Variants in AFF3 observed in about 807,000 individuals in gnomAD.
AFF3 encodes ALF transcription elongation factor 3.
A neutral mutation model predicts 129.7 loss-of-function variants in AFF3; 32 were observed. The observed-to-expected ratio is 0.25, with a 90% CI of 0.19 to 0.33. The LOEUF is 0.33. Among genes scored for constraint, AFF3 ranks in the 10% least tolerant of loss-of-function variants. AFF3 has a pLI of 1.00. For synonymous variants in AFF3, 644 were observed against 635.4 expected (o/e 1.01, Z -0.20); for missense variants, 1,373 against 1,592.0 (o/e 0.86, Z 2.34).
intron 10 of AFF3, among the ~76,000 whole-genome samples, chr2:99,736,063 T>C (rs1294503790): frequency 6.6e-6 from 1 of 152,220 alleles, no homozygotes; most frequent in African/African-American, 2.4e-5. Flanking sequence ...CCAGTAGTTG[T>C]CAATTTTCAT....
intron 11 of AFF3, among the ~76,000 whole-genome samples, chr2:99,679,263 T>C (rs554715839): frequency 1.9e-4 from 29 of 152,256 alleles, no homozygotes; most frequent in African/African-American, 1.9e-4. Context: ...CGGGGAGGGA[T>C]TGTCAGTGAA....
chr2:99,984,297 A>G (rs968302732), intron 7 of AFF3, among the ~76,000 whole-genome samples: 2 of 152,234 alleles, frequency 1.3e-5, no homozygotes, highest in Non-Finnish European at 2.9e-5. Flanking sequence ...CTCTACAGGA[A>G]AGGAATCTAT....
chr2:100,011,710 G>T, intron 4 of AFF3: 1 of 667,162 alleles, frequency 1.5e-6, no homozygotes, highest in Non-Finnish European at 2.7e-6. Context: ...GGGTCAGAAC[G>T]GGAGGCAAGC....
At chr2:99,679,822 A>T (rs984086999) in intron 11 of AFF3, among the ~76,000 whole-genome samples, 1 of 152,228 alleles carries the variant, frequency 6.6e-6, no homozygotes, top group Non-Finnish European at 1.5e-5. Context: ...TGGATAAAAC[A>T]ACCACTATAT....
At chr2:100,064,994 T>C (rs1036255116) in intron 4 of AFF3, among the ~76,000 whole-genome samples, 5 of 152,254 alleles carry the variant, frequency 3.3e-5, no homozygotes, top group Admixed American at 3.3e-4. Flanking sequence ...ACTATGCATT[T>C]ACCATAAAGC....
chr2:99,805,152 T>C (rs1355751661), intron 8 of AFF3, among the ~76,000 whole-genome samples: 1 of 152,168 alleles, frequency 6.6e-6, no homozygotes, highest in Non-Finnish European at 1.5e-5. Flanking sequence ...TGATGACTAG[T>C]ACAAAAGTCA....
In AFF3 at chr2:99,977,914, A is replaced by G. The variant is rs189986372; in HGVS notation, c.873+28718T>C. 1.9e-3 allele frequency among the ~76,000 whole-genome samples: 293 copies of G among 152,350 alleles called. 2 individuals are homozygous for G. The highest frequency in any genetic ancestry group is 3.3e-3 in the Non-Finnish European group (224 of 68,034). ...GCCCAGCTCCTGCTGGAGCTCCTCC[A>G]GAAAGAACTCCATACTCACAATCAG... On this transcript the variant is annotated intron_variant, in intron 7 of 24. Transcript: ENST00000672756.
intron 8 of AFF3, among the ~76,000 whole-genome samples, chr2:99,822,203 G>A (rs1175971099): frequency 2.0e-5 from 3 of 152,044 alleles, no homozygotes. Context: ...CTCAAAGAAA[G>A]GCAGTCATCA....
chr2:99,795,535 C>A (rs1685499712), intron 8 of AFF3, among the ~76,000 whole-genome samples: 1 of 152,096 alleles, frequency 6.6e-6, no homozygotes, highest in Admixed American at 6.6e-5. Flanking sequence ...CACTTGTAGT[C>A]CTTAAATTTA....
intron 4 of AFF3, among the ~76,000 whole-genome samples, chr2:100,028,613 T>TGTTAACA (rs1205977587): frequency 1.3e-5 from 2 of 152,176 alleles, no homozygotes; most frequent in African/African-American, 2.4e-5. Context: ...ACCACTAAGA[T>TGTTAACA]GTTAACAGTG....
intron 8 of AFF3, among the ~76,000 whole-genome samples, chr2:99,789,139 A>G (rs557070517): frequency 4.6e-5 from 7 of 152,190 alleles, no homozygotes; most frequent in Non-Finnish European, 7.3e-5. Context: ...GGCATTCATA[A>G]TTTTAATAAG....
intron 11 of AFF3, among the ~76,000 whole-genome samples, chr2:99,696,852 C>T (rs893576870): frequency 5.3e-5 from 8 of 152,078 alleles, no homozygotes; most frequent in Admixed American, 5.2e-4. Flanking sequence ...TGCTATGTTG[C>T]CCAGCTTGGT....
Position 99,760,675 on chromosome 2 carries a change from A to C in AFF3, c.922-8374T>G, listed in dbSNP as rs139919804. Reference sequence around the variant, plus strand: ...ATTGCTGCTTTGCCTCTATTGACCTACTTTGGCCATCCTTTAACCACTTCC... The same window carrying C: ...ATTGCTGCTTTGCCTCTATTGACCTCCTTTGGCCATCCTTTAACCACTTCC... On this transcript the variant is annotated intron_variant, in intron 8 of 24. Transcript: ENST00000672756. Among the ~76,000 whole-genome samples, 663 of 152,164 alleles carry C rather than the reference A, an allele frequency of 4.4e-3. 3 individuals are homozygous for C. The highest frequency in any genetic ancestry group is 0.015 in the African/African-American group (630 of 41,504).
intron 24 of AFF3, among the ~76,000 whole-genome samples, chr2:99,553,575 C>T (rs1224213678): frequency 6.6e-6 from 1 of 152,104 alleles, no homozygotes; most frequent in Non-Finnish European, 1.5e-5. Flanking sequence ...GAATCTGTAT[C>T]TGTTGACCCC....
intron 11 of AFF3, among the ~76,000 whole-genome samples, chr2:99,719,678 C>T (rs1467382711): frequency 5.9e-5 from 9 of 152,170 alleles, no homozygotes; most frequent in East Asian, 1.9e-4. Context: ...AATATGGTCA[C>T]GAATCAGCTT....
chr2:99,841,101 CTTAAAA>C (rs1689287459), intron 7 of AFF3, among the ~76,000 whole-genome samples: 2 of 152,224 alleles, frequency 1.3e-5, no homozygotes, highest in African/African-American at 4.8e-5. Flanking sequence ...TACAAATACT[CTTAAAA>C]TTAAACTTCG....
In AFF3 at chr2:99,593,665, T is replaced by C. The variant is rs1369920041; in HGVS notation, c.1996A>G (p.Ile666Val). The C allele has an allele frequency of 1.9e-6, 3 of 1,605,922 alleles. No homozygotes were observed. Among genetic ancestry groups the C allele is most frequent in the Non-Finnish European group, 1.7e-6 (2 of 1,174,490 alleles). The change falls in exon 15 of 25, where the codon ATT becomes GTT. Residue 666 changes from isoleucine (I) to valine (V), a missense_variant. Physicochemically the swap from Ile to Val is conservative, Grantham distance 29. Transcript: ENST00000672756. ...SRIVPKSKEFIETESSSSSSS... is the reference protein window; with the variant it reads ...SRIVPKSKEFVETESSSSSSS... ...GATGAAGATGACGACTCTGTCTCAA[T>C]GAACTCCTTGGATTTGGGGACGATC...
At chr2:100,071,131 T>A (rs1688148405) in intron 4 of AFF3, among the ~76,000 whole-genome samples, 1 of 152,184 alleles carries the variant, frequency 6.6e-6, no homozygotes, top group South Asian at 2.1e-4. Flanking sequence ...CATTAAAACA[T>A]TTGACTTGAA....
intron 7 of AFF3, among the ~76,000 whole-genome samples, chr2:99,968,600 T>C (rs114855948): frequency 5.9e-5 from 9 of 152,256 alleles, no homozygotes; most frequent in African/African-American, 1.9e-4. Flanking sequence ...CAACTAGGAG[T>C]TGAGATGGCT....
Sources: gnomAD v4.1 joint callset for allele counts (sites outside exome capture counted in the v4.1 genomes callset) on GRCh38, gnomAD v4.1.1 for gene constraint, MANE v1.5 for transcripts, NCBI Gene and HGNC (gene_info 2026-07-23, HGNC 2026-07-21) for gene names.